EYS: variants seen among roughly 807,000 people sequenced by gnomAD.
EYS encodes EGF-like photoreceptor maintenance factor, also known as protein eyes shut homolog.
A neutral mutation model predicts 282.1 loss-of-function variants in EYS; 250 were observed. The ratio of observed to expected loss-of-function variants is 0.89; its 90% CI spans 0.80 to 0.98. EYS has a LOEUF of 0.98. Among genes scored for constraint, EYS ranks in the 50% least tolerant of loss-of-function variants. The pLI is 0.00. For missense variants in EYS, 4,016 were observed against 3,709.0 expected, an observed-to-expected ratio of 1.08 and a Z score of -2.15; for synonymous variants, 1,355 against 1,282.9, an observed-to-expected ratio of 1.06 and a Z score of -1.20.
chr6:64,376,284 C>T (rs1486458512), intron 29 of EYS, among the ~76,000 whole-genome samples: 1 of 152,088 alleles, frequency 6.6e-6, no homozygotes, highest in Non-Finnish European at 1.5e-5. Flanking sequence ...CAGGAGCTTC[C>T]TGGGGGCAAT....
chr6:65,192,537 T>C (rs930655562), intron 12 of EYS, among the ~76,000 whole-genome samples: 1 of 151,826 alleles, frequency 6.6e-6, no homozygotes, highest in Non-Finnish European at 1.5e-5. Flanking sequence ...GTAAACATAC[T>C]GAATTTGATG....
At chr6:65,376,332 A>T (rs1765363406) in intron 8 of EYS, among the ~76,000 whole-genome samples, 1 of 152,182 alleles carries the variant, frequency 6.6e-6, no homozygotes, top group Non-Finnish European at 1.5e-5. Flanking sequence ...ACGCTGAAGG[A>T]TTTTGTGACC....
chr6:64,899,208 T>C (rs1449377899), intron 18 of EYS, among the ~76,000 whole-genome samples: 2 of 152,078 alleles, frequency 1.3e-5, no homozygotes, highest in Admixed American at 6.6e-5. Context: ...TAATTGAAAG[T>C]AAAACACTCC....
At chr6:64,593,040 A>C in intron 25 of EYS, 77 bp downstream of exon 25, 1 of 1,108,324 alleles carries the variant, frequency 9.0e-7, no homozygotes, top group Non-Finnish European at 1.2e-6. Flanking sequence ...AAAGATTTTA[A>C]TAATGCAGAA....
chr6:64,150,012 T>C (rs1774649334), intron 31 of EYS, among the ~76,000 whole-genome samples: 1 of 152,252 alleles, frequency 6.6e-6, no homozygotes, highest in Non-Finnish European at 1.5e-5. Context: ...TCACCATTAC[T>C]GGTAATACCA....
intron 5 of EYS, among the ~76,000 whole-genome samples, chr6:65,445,571 T>C (rs1433039398): frequency 6.6e-6 from 1 of 151,784 alleles, no homozygotes; most frequent in East Asian, 1.9e-4. Context: ...AAACTTACTT[T>C]TGATTATGAA....
At chr6:64,841,455 TC>T (rs1464984769) in intron 19 of EYS, among the ~76,000 whole-genome samples, 1 of 152,144 alleles carries the variant, frequency 6.6e-6, no homozygotes, top group East Asian at 1.9e-4. Context: ...ATTTCTACCA[TC>T]TTCTTGTGAA....
intron 12 of EYS, among the ~76,000 whole-genome samples, chr6:65,170,208 GCA>G (rs1430139678): frequency 1.3e-5 from 2 of 150,878 alleles, no homozygotes; most frequent in African/African-American, 2.4e-5. Flanking sequence ...AAATACAGAT[GCA>G]CACACGCGCG....
chr6:63,771,601 T>C (rs915328619), intron 40 of EYS, among the ~76,000 whole-genome samples: 2 of 152,124 alleles, frequency 1.3e-5, no homozygotes, highest in African/African-American at 4.8e-5. Context: ...AAACATTCCT[T>C]TTGGAATCTT....
intron 2 of EYS, among the ~76,000 whole-genome samples, chr6:65,634,572 C>T (rs571770078): frequency 3.9e-5 from 6 of 152,288 alleles, no homozygotes; most frequent in African/African-American, 1.2e-4. Flanking sequence ...GCTAGCTACT[C>T]GGCAACTCTA....
intron 30 of EYS, among the ~76,000 whole-genome samples, chr6:64,258,007 C>T (rs781655226): frequency 1.3e-5 from 2 of 151,946 alleles, no homozygotes; most frequent in Non-Finnish European, 2.9e-5. Context: ...AAACTGGTAT[C>T]AAATCTTAAT....
intron 12 of EYS, among the ~76,000 whole-genome samples, chr6:65,178,352 CA>C (rs1275555557): frequency 6.6e-6 from 1 of 151,930 alleles, no homozygotes; most frequent in Non-Finnish European, 1.5e-5. Context: ...CTTTACTACC[CA>C]GGCGCCAGCC....
intron 18 of EYS, among the ~76,000 whole-genome samples, chr6:64,898,252 T>C (rs537115038): frequency 6.6e-6 from 1 of 152,228 alleles, no homozygotes; most frequent in East Asian, 1.9e-4. Flanking sequence ...TAACAGCGGA[T>C]CTTTCTGCAG....
At chr6:64,851,467 T>A (rs1455763743) in intron 19 of EYS, among the ~76,000 whole-genome samples, 1 of 152,128 alleles carries the variant, frequency 6.6e-6, no homozygotes, top group Non-Finnish European at 1.5e-5. Context: ...CTGATTTAGA[T>A]GACTTAGGTA....
intron 22 of EYS, among the ~76,000 whole-genome samples, chr6:64,708,016 A>C (rs866094320): frequency 6.8e-6 from 1 of 147,820 alleles, no homozygotes; most frequent in Non-Finnish European, 1.5e-5. Flanking sequence ...TATACAGCAC[A>C]AAAAAAAACC....
intron 12 of EYS, among the ~76,000 whole-genome samples, chr6:65,178,546 C>A (rs919943670): frequency 6.6e-6 from 1 of 151,936 alleles, no homozygotes; most frequent in Non-Finnish European, 1.5e-5. Context: ...TACAGGAGCA[C>A]CCAGATTCAT....
intron 1 of EYS, among the ~76,000 whole-genome samples, chr6:65,705,038 A>G (rs946367678): frequency 3.9e-5 from 6 of 152,128 alleles, no homozygotes; most frequent in African/African-American, 1.4e-4. Flanking sequence ...TTTTATTTCA[A>G]TGATAGAGAA....
chr6:64,944,368 G>A (rs1199676186), intron 15 of EYS, among the ~76,000 whole-genome samples: 7 of 152,044 alleles, frequency 4.6e-5, no homozygotes, highest in Non-Finnish European at 1.0e-4. Context: ...AAATTGACAA[G>A]TAAGATTAAG....
At chr6:64,495,504 C>G (rs1036095264) in intron 26 of EYS, among the ~76,000 whole-genome samples, 1 of 151,750 alleles carries the variant, frequency 6.6e-6, no homozygotes, top group Non-Finnish European at 1.5e-5. Flanking sequence ...ACCAGAATAA[C>G]TCTTAAATGA....
Sources: allele counts gnomAD v4.1 joint callset (sites outside exome capture counted in the v4.1 genomes callset), GRCh38; gene constraint gnomAD v4.1.1; transcripts MANE v1.5; gene names NCBI Gene and HGNC (gene_info 2026-07-23, HGNC 2026-07-21).